C12orf42: variants seen among roughly 807,000 people sequenced by gnomAD.
C12orf42 encodes the protein uncharacterized protein C12orf42.
C12orf42 carries 25 observed loss-of-function variants against 21.6 expected under a neutral mutation model. The ratio of observed to expected loss-of-function variants is 1.16; its 90% confidence interval spans 0.84 to 1.62. The LOEUF (loss-of-function observed/expected upper bound fraction) is 1.62, where lower values mean the gene tolerates loss of function less well. C12orf42 is among the 40% of genes most tolerant of loss of function. The pLI, the probability that C12orf42 is intolerant of heterozygous loss-of-function variation, is 0.00. For synonymous variants in C12orf42, 174 were observed against 175.0 expected, an observed-to-expected ratio of 0.99 and a Z score of 0.05; for missense variants, 483 against 459.3, an observed-to-expected ratio of 1.05 and a Z score of -0.47.
chr12:103,431,476 C>A (rs1244562615), intron 2 of C12orf42, among the ~76,000 whole-genome samples: 1 of 152,144 alleles, frequency 6.6e-6, no homozygotes, highest in African/African-American at 2.4e-5. Context: ...GGGTTCAAAT[C>A]CTGCATCCTG....
At chr12:103,424,789 G>A (rs1949667013) in intron 2 of C12orf42, among the ~76,000 whole-genome samples, 1 of 152,166 alleles carries the variant, frequency 6.6e-6, no homozygotes, top group South Asian at 2.1e-4. Flanking sequence ...GTTTTGTTTT[G>A]TTTTGTTTTT....
At chr12:103,184,717 C>T in the C12orf42 span, among the ~76,000 whole-genome samples, 4 of 138,328 alleles carry the variant, frequency 2.9e-5, no homozygotes, top group Admixed American at 2.9e-4. Context: ...TGTCACCCCC[C>T]CCCCCCCAAA....
intron 2 of C12orf42, among the ~76,000 whole-genome samples, chr12:103,428,686 T>C (rs1950034552): frequency 6.6e-6 from 1 of 152,120 alleles, no homozygotes; most frequent in Non-Finnish European, 1.5e-5. Flanking sequence ...TTCAGGCCAA[T>C]ATCCCTGATG....
intron 10 of C12orf42, among the ~76,000 whole-genome samples, chr12:103,240,629 G>A (rs1049082392): frequency 1.3e-5 from 2 of 152,134 alleles, no homozygotes; most frequent in African/African-American, 4.8e-5. Context: ...CTGTTTCCAT[G>A]TCCCAGGCTA....
intron 2 of C12orf42, among the ~76,000 whole-genome samples, chr12:103,436,532 G>A (rs1375840432): frequency 6.6e-6 from 1 of 150,542 alleles, no homozygotes; most frequent in African/African-American, 2.5e-5. Context: ...ACACACATAG[G>A]CTCAAAATAA....
intron 2 of C12orf42, among the ~76,000 whole-genome samples, chr12:103,439,910 A>G (rs1216688286): frequency 7.1e-4 from 107 of 150,158 alleles, no homozygotes; most frequent in African/African-American, 2.4e-3. Context: ...ATTACTGGGT[A>G]TATACCCAAA....
intron 2 of C12orf42, among the ~76,000 whole-genome samples, chr12:103,439,606 CAGACACTTCTCAAAAGA>C (rs1951037057): frequency 6.8e-6 from 1 of 147,492 alleles, no homozygotes; most frequent in Admixed American, 6.8e-5. Flanking sequence ...AGGACATGAA[CAGACACTTCTCAAAAGA>C]AGACATTTAT....
intron 4 of C12orf42, among the ~76,000 whole-genome samples, chr12:103,295,724 A>C (rs545293413): frequency 3.2e-4 from 48 of 152,278 alleles, no homozygotes; most frequent in African/African-American, 1.1e-3. Flanking sequence ...ATACGTACTA[A>C]TTATTGCTGA....
chr12:103,510,053 G>T, the C12orf42 span, among the ~76,000 whole-genome samples: 1 of 152,194 alleles, frequency 6.6e-6, no homozygotes, highest in African/African-American at 2.4e-5. Flanking sequence ...ATATTTGCAC[G>T]TGCAGGTTTA....
At chr12:103,495,164 A>G (rs1955437378) in intron 1 of C12orf42, among the ~76,000 whole-genome samples, 1 of 147,656 alleles carries the variant, frequency 6.8e-6, no homozygotes, top group Non-Finnish European at 1.5e-5. Context: ...AGGGGTAAGG[A>G]GCGCTGAAGG....
chr12:103,540,517 CCA>C, the C12orf42 span, among the ~76,000 whole-genome samples: 1 of 152,130 alleles, frequency 6.6e-6, no homozygotes, highest in African/African-American at 2.4e-5. Flanking sequence ...TATATTTTTC[CCA>C]CACATTGAGC....
chr12:103,530,994 A>T, the C12orf42 span, among the ~76,000 whole-genome samples: 1 of 152,196 alleles, frequency 6.6e-6, no homozygotes, highest in Non-Finnish European at 1.5e-5. Context: ...CATGACACAC[A>T]TAAACAGGAA....
chr12:103,327,483 AAAAGTAAGAAGTGATATTCAGTCTGGAG>A (rs1292307995), intron 4 of C12orf42, among the ~76,000 whole-genome samples: 1 of 152,310 alleles, frequency 6.6e-6, no homozygotes, highest in East Asian at 1.9e-4. Context: ...AAAAGTGTAT[AAAAGTAAGAAGTGATATTCAGTCTGGAG>A]AAAGTAAGGT....
intron 4 of C12orf42, among the ~76,000 whole-genome samples, chr12:103,294,455 A>AAAGG (rs2037050495): frequency 2.3e-5 from 3 of 131,132 alleles, no homozygotes; most frequent in Admixed American, 2.2e-4. Context: ...AGAAAGAAAG[A>AAAGG]AAGAAAGAAA....
the C12orf42 span, among the ~76,000 whole-genome samples, chr12:103,224,217 A>C: frequency 2.0e-3 from 312 of 152,292 alleles, 3 homozygotes; most frequent in African/African-American, 7.2e-3. Flanking sequence ...TGGGTGGGGC[A>C]AATCCTCGAG....
chr12:103,262,226 A>G (rs1016136627), intron 10 of C12orf42: 5 of 152,194 alleles, frequency 3.3e-5, no homozygotes, highest in Admixed American at 6.5e-5. Flanking sequence ...TATTTTAGGG[A>G]ACTTATCCTA....
the C12orf42 span, among the ~76,000 whole-genome samples, chr12:103,130,906 C>A: frequency 6.6e-6 from 1 of 152,204 alleles, no homozygotes; most frequent in Non-Finnish European, 1.5e-5. Context: ...ACCAACTAGT[C>A]AATGGTGTAC....
At chr12:103,324,555 T>C (rs1023735147) in intron 4 of C12orf42, among the ~76,000 whole-genome samples, 10 of 152,186 alleles carry the variant, frequency 6.6e-5, no homozygotes, top group African/African-American at 2.2e-4. Flanking sequence ...CTGGGCCATA[T>C]GGAGTATTTT....
chr12:103,159,884 G>A, the C12orf42 span, among the ~76,000 whole-genome samples: 198 of 152,286 alleles, frequency 1.3e-3, no homozygotes, highest in African/African-American at 4.5e-3. Context: ...AGTCAATTTA[G>A]CTTAGGAAAT....
Sources: gnomAD v4.1 joint callset for allele counts (sites outside exome capture counted in the v4.1 genomes callset) on GRCh38, gnomAD v4.1.1 for gene constraint, MANE v1.5 for transcripts, NCBI Gene and HGNC (gene_info 2026-07-23, HGNC 2026-07-21) for gene names.